ADAMTS12: variants seen among roughly 807,000 people sequenced by gnomAD.
ADAMTS12 encodes the protein ADAM metallopeptidase with thrombospondin type 1 motif 12.
Under a neutral mutation model 167.8 loss-of-function variants are expected in ADAMTS12, and 118 were observed. The ratio of observed to expected loss-of-function variants is 0.70; its 90% CI spans 0.61 to 0.82. ADAMTS12 has a LOEUF of 0.82. ADAMTS12 is among the 40% of genes least tolerant of loss of function. The probability of loss-of-function intolerance (pLI) is 0.00; values close to 1 mark genes in which losing one functional copy is unlikely to be tolerated. For missense variants in ADAMTS12, 1,916 were observed against 1,998.8 expected, an observed-to-expected ratio of 0.96 and a Z score of 0.79; for synonymous variants, 704 against 716.9, an observed-to-expected ratio of 0.98 and a Z score of 0.29.
chr5:33,734,614 A>C (rs1561242131), intron 3 of ADAMTS12, among the ~76,000 whole-genome samples: 1 of 152,380 alleles, frequency 6.6e-6, no homozygotes, highest in East Asian at 1.9e-4. Context: ...AATGAATTTT[A>C]CTATCCTGAT....
intron 2 of ADAMTS12, among the ~76,000 whole-genome samples, chr5:33,793,774 C>A (rs1746666179): frequency 6.6e-6 from 1 of 152,100 alleles, no homozygotes; most frequent in South Asian, 2.1e-4. Flanking sequence ...GTGCCCCCAC[C>A]AACAATCCCA....
chr5:33,572,491 C>A (rs995987796), intron 19 of ADAMTS12, among the ~76,000 whole-genome samples: 1 of 150,750 alleles, frequency 6.6e-6, no homozygotes, highest in African/African-American at 2.4e-5. Context: ...GAACCAAAGA[C>A]AAAAACCACA....
At chr5:33,530,893 C>T (rs1744063228) in intron 23 of ADAMTS12, among the ~76,000 whole-genome samples, 1 of 152,162 alleles carries the variant, frequency 6.6e-6, no homozygotes, top group Non-Finnish European at 1.5e-5. Context: ...GAGTGGAAGT[C>T]CTCACCCTTT....
In ADAMTS12 at chr5:33,729,601, A is replaced by T. The variant is rs1383705454; in HGVS notation, c.634+21803T>A. On this transcript the variant is annotated intron_variant, in intron 3 of 23. Transcript: ENST00000504830. ...AACAACACATAATTTACATACTTAG[A>T]AAGAGTTTAGTAAGAAAATAATTTC... 2.0e-5 allele frequency among the ~76,000 whole-genome samples: 3 copies of T among 152,314 alleles called. No homozygotes were observed. In the East Asian group the frequency reaches 5.8e-4, roughly 29 times the overall value.
chr5:33,862,132 A>T (rs1749640251), intron 2 of ADAMTS12, among the ~76,000 whole-genome samples: 1 of 152,226 alleles, frequency 6.6e-6, no homozygotes, highest in African/African-American at 2.4e-5. Flanking sequence ...GAGAAGCAAG[A>T]ACAAACAAAT....
At chr5:33,793,369 C>T (rs1465891344) in intron 2 of ADAMTS12, among the ~76,000 whole-genome samples, 1 of 152,076 alleles carries the variant, frequency 6.6e-6, no homozygotes, top group Non-Finnish European at 1.5e-5. Flanking sequence ...TCAAATGTTC[C>T]CATAGAATAA....
chr5:33,881,275 T>C lies in ADAMTS12; in HGVS notation c.333A>G (p.Gly111=). Residue 111 remains glycine (G), a synonymous_variant, in exon 2 of 24, where the codon GGA becomes GGG. Transcript: ENST00000504830. The part of the protein sequence containing the change: ...DLFFNLTVNQ[G]FLSNSYIMEK... Reference sequence around the variant, plus strand: ...CCATGATGTAGCTATTGGAAAGAAATCCTTGATTGACCGTCAAGTTAAAAA... The same window carrying C: ...CCATGATGTAGCTATTGGAAAGAAACCCTTGATTGACCGTCAAGTTAAAAA... 1 of 1,614,196 alleles carries C rather than the reference T, an allele frequency of 6.2e-7. No homozygotes were observed. Among genetic ancestry groups the C allele is most frequent in the Non-Finnish European group, 8.5e-7 (1 of 1,180,038 alleles).
Position 33,889,893 on chromosome 5 carries a change from A to C in ADAMTS12, c.127+1837T>G, listed in dbSNP as rs538358495. Among the ~76,000 whole-genome samples, 6 of 152,298 alleles carry C rather than the reference A, an allele frequency of 3.9e-5. No individual in the cohort carries two copies. The East Asian group carries it at 1.2e-3, about 29-fold the overall frequency. Reference sequence around the variant, plus strand: ...CTTGAACCCGGGAGGCAGAGGTTGCAGTGAGCTGAGATTGCACCACCGCAC... The same window carrying C: ...CTTGAACCCGGGAGGCAGAGGTTGCCGTGAGCTGAGATTGCACCACCGCAC... On this transcript the variant is annotated intron_variant, in intron 1 of 23. Coordinates refer to ENST00000504830, the MANE Select transcript of ADAMTS12 (RefSeq NM_030955.4).
At chr5:33,789,299 T>C (rs1010468103) in intron 2 of ADAMTS12, among the ~76,000 whole-genome samples, 3 of 152,148 alleles carry the variant, frequency 2.0e-5, no homozygotes, top group Admixed American at 2.0e-4. Flanking sequence ...GGGACACAAA[T>C]ACAGCTGCCA....
At chr5:33,588,840 A>T (rs746389503) in intron 17 of ADAMTS12, 31 bp from the exon 18 acceptor site, 3 of 1,609,118 alleles carry the variant, frequency 1.9e-6, no homozygotes, top group Non-Finnish European at 2.5e-6. Flanking sequence ...GTGAGAGAAG[A>T]TCGCCAACTT....
intron 2 of ADAMTS12, among the ~76,000 whole-genome samples, chr5:33,834,577 A>G (rs1748436212): frequency 6.6e-6 from 1 of 152,100 alleles, no homozygotes; most frequent in Non-Finnish European, 1.5e-5. Context: ...TGCATTCCGA[A>G]AGGCCAGGAG....
At chr5:33,581,516 A>C (rs1747064653) in intron 18 of ADAMTS12, among the ~76,000 whole-genome samples, 2 of 152,324 alleles carry the variant, frequency 1.3e-5, no homozygotes, top group South Asian at 4.1e-4. Flanking sequence ...TTTATTCGAA[A>C]ACACAGTCGG....
chr5:33,765,368 T>C (rs17353410), intron 2 of ADAMTS12, among the ~76,000 whole-genome samples: 6,538 of 152,282 alleles, frequency 0.043, 511 homozygotes, highest in African/African-American at 0.15. Flanking sequence ...TCATTCCATG[T>C]TTGAATTTCT....
chr5:33,687,002 T>C, intron 3 of ADAMTS12, among the ~76,000 whole-genome samples: 1 of 151,208 alleles, frequency 6.6e-6, no homozygotes, highest in East Asian at 2.0e-4. Flanking sequence ...TTCAAGTCTC[T>C]AGAATTGGGA....
chr5:33,696,420 C>T (rs1314588838), intron 3 of ADAMTS12, among the ~76,000 whole-genome samples: 1 of 129,962 alleles, frequency 7.7e-6, no homozygotes, highest in African/African-American at 3.0e-5. Flanking sequence ...GACTCCGTCT[C>T]AAAAAAAAAA....
chr5:33,672,095 A>ATC (rs1741723405), intron 5 of ADAMTS12, among the ~76,000 whole-genome samples: 3 of 1,506 alleles, frequency 2.0e-3, no homozygotes, highest in African/African-American at 1.7e-3. Flanking sequence ...ACACACATCC[A>ATC]CACTCACATC....
intron 18 of ADAMTS12, among the ~76,000 whole-genome samples, chr5:33,577,422 G>C (rs1746817007): frequency 6.6e-6 from 1 of 152,150 alleles, no homozygotes; most frequent in Non-Finnish European, 1.5e-5. Flanking sequence ...CAGTCCCTTT[G>C]GGCTGTGAAT....
intron 2 of ADAMTS12, among the ~76,000 whole-genome samples, chr5:33,757,539 C>G (rs574500501): frequency 3.3e-5 from 5 of 152,302 alleles, no homozygotes; most frequent in African/African-American, 1.2e-4. Context: ...CCTCATCCCT[C>G]TCAGATGCTT....
intron 2 of ADAMTS12, among the ~76,000 whole-genome samples, chr5:33,857,424 A>AG (rs1749446473): frequency 6.8e-6 from 1 of 147,322 alleles, no homozygotes; most frequent in African/African-American, 2.5e-5. Flanking sequence ...TCTCATCACA[A>AG]AAAAAAAAAA....
Sources: allele counts gnomAD v4.1 joint callset (sites outside exome capture counted in the v4.1 genomes callset), GRCh38; gene constraint gnomAD v4.1.1; transcripts MANE v1.5; gene names NCBI Gene and HGNC (gene_info 2026-07-23, HGNC 2026-07-21).